Variants in GAB2 observed in about 807,000 individuals in gnomAD.
The protein encoded by GAB2 is GRB2-associated-binding protein 2.
Under a neutral mutation model 65.5 loss-of-function variants are expected in GAB2, and 26 were observed. The ratio of observed to expected loss-of-function variants is 0.40; its 90% CI spans 0.29 to 0.55. The LOEUF (loss-of-function observed/expected upper bound fraction) is 0.55, where lower values mean the gene tolerates loss of function less well. Ranked by LOEUF, GAB2 falls within the 20% of genes least tolerant of loss-of-function variation. GAB2 has a pLI of 0.53. For synonymous variants in GAB2, 321 were observed against 329.6 expected (o/e 0.97, Z 0.28); for missense variants, 884 against 875.8 (o/e 1.01, Z -0.12).
chr11:78,350,675 C>T (rs1302929571), intron 1 of GAB2, among the ~76,000 whole-genome samples: 1 of 152,010 alleles, frequency 6.6e-6, no homozygotes, highest in Non-Finnish European at 1.5e-5. Context: ...GAACTAAATG[C>T]TCTAAAACAA....
chr11:78,273,015 G>A (rs987792500), intron 2 of GAB2, among the ~76,000 whole-genome samples: 5 of 152,256 alleles, frequency 3.3e-5, no homozygotes, highest in African/African-American at 1.2e-4. Context: ...GTCAGGAATT[G>A]AGGTTTACAA....
chr11:78,240,571 A>T (rs1415488917), intron 3 of GAB2, among the ~76,000 whole-genome samples: 1 of 151,998 alleles, frequency 6.6e-6, no homozygotes, highest in Non-Finnish European at 1.5e-5. Flanking sequence ...CCCAAAACAC[A>T]GCTATACTCT....
chr11:78,246,826 AC>A (rs1485649703), intron 3 of GAB2, among the ~76,000 whole-genome samples: 1 of 152,126 alleles, frequency 6.6e-6, no homozygotes, highest in African/African-American at 2.4e-5. Context: ...TAGGAAATCA[AC>A]CTGGTTAGGC....
At chr11:78,362,456 A>G (rs1328685755) in intron 1 of GAB2, among the ~76,000 whole-genome samples, 14 of 152,170 alleles carry the variant, frequency 9.2e-5, no homozygotes. Flanking sequence ...AAATTAGAAA[A>G]AGGAAACAAA....
chr11:78,310,252 C>A (rs1591025645), intron 1 of GAB2, among the ~76,000 whole-genome samples: 1 of 151,578 alleles, frequency 6.6e-6, no homozygotes, highest in East Asian at 1.9e-4. Flanking sequence ...CCTGTAATCC[C>A]AGCACTTTGG....
In GAB2 at chr11:78,236,474, T is replaced by G. The variant is rs565526905; in HGVS notation, c.621-9423A>C. 2.0e-4 allele frequency among the ~76,000 whole-genome samples: 30 copies of G among 152,278 alleles called. No individual in the cohort carries two copies. The South Asian group carries it at 6.2e-3, about 32-fold the overall frequency. On this transcript the variant is annotated intron_variant, in intron 3 of 9. Coordinates refer to ENST00000361507, the MANE Select transcript of GAB2 (RefSeq NM_080491.3). ...ACTCTTATTTATTTTTCTTCCTCCA[T>G]GGAACTGATGAGAATCTCCAGTACA... is the stretch of plus-strand genomic sequence containing the variant.
rs1565412039 is a variant in GAB2 at position 78,217,089 on chromosome 11, C to T, written c.*2183G>A. 6.6e-6 allele frequency: 1 copy of T among 152,506 alleles called. No homozygotes were observed. The highest frequency in any genetic ancestry group is 1.5e-5 in the Non-Finnish European group (1 of 68,158). The allele number at this position is 152,506 out of a possible 1,614,324, so 9.4% of individuals were successfully genotyped here. A position where few individuals can be genotyped will look rare whatever the true frequency, so the allele number is the denominator to read the frequency against. On this transcript the variant is annotated 3_prime_UTR_variant, in exon 10 of 10. Transcript: ENST00000361507. ...CTGTAAAAATCTGACTCATCCCCTT[C>T]TAAGGCCTACCTCAGGCACTCCCTT... is the stretch of plus-strand genomic sequence containing the variant.
chr11:78,270,651 C>T (rs1392921009), intron 2 of GAB2, among the ~76,000 whole-genome samples: 10 of 152,232 alleles, frequency 6.6e-5, no homozygotes, highest in South Asian at 2.1e-4. Flanking sequence ...AATGAGACTG[C>T]GTAAGTGTTG....
chr11:78,222,516 A>G (rs1864480003), intron 6 of GAB2, among the ~76,000 whole-genome samples: 1 of 148,420 alleles, frequency 6.7e-6, no homozygotes, highest in South Asian at 2.1e-4. Context: ...AAAAGACTAT[A>G]TATAAAATAT....
At chr11:78,339,174 T>C (rs770384412) in intron 1 of GAB2, among the ~76,000 whole-genome samples, 1 of 152,094 alleles carries the variant, frequency 6.6e-6, no homozygotes, top group Non-Finnish European at 1.5e-5. Context: ...GATCTACCTG[T>C]CTCGGCCTCC....
At chr11:78,338,259 A>G (rs1250005402) in intron 1 of GAB2, among the ~76,000 whole-genome samples, 3 of 152,194 alleles carry the variant, frequency 2.0e-5, no homozygotes, top group Admixed American at 6.5e-5. Context: ...GTCTAGGCAA[A>G]CAGAATGTTT....
At chr11:78,273,962 G>A (rs1050004008) in intron 2 of GAB2, among the ~76,000 whole-genome samples, 10 of 152,010 alleles carry the variant, frequency 6.6e-5, no homozygotes, top group African/African-American at 2.2e-4. Flanking sequence ...ATGATTATGA[G>A]GCCTCCTCAG....
In GAB2 at chr11:78,217,969, G is replaced by A. The variant is rs771124435; in HGVS notation, c.*1303C>T. 49 of 152,864 alleles carry A rather than the reference G, an allele frequency of 3.2e-4. No homozygotes were observed. Among genetic ancestry groups the A allele is most frequent in the Non-Finnish European group, 6.4e-4 (44 of 68,402 alleles). The allele number at this position is 152,864 out of a possible 1,614,324, so 9.5% of individuals were successfully genotyped here. On this transcript the variant is annotated 3_prime_UTR_variant, in exon 10 of 10. Transcript: ENST00000361507. ...TGACCCACTGTCCCATCCTAGGAACGGTCCTCATGTCACACCACCATGCAC... is the reference window on the plus strand; with the variant it reads ...TGACCCACTGTCCCATCCTAGGAACAGTCCTCATGTCACACCACCATGCAC...
At chr11:78,336,544 C>G (rs886738192) in intron 1 of GAB2, among the ~76,000 whole-genome samples, 17 of 143,954 alleles carry the variant, frequency 1.2e-4, no homozygotes, top group African/African-American at 4.4e-4. Context: ...CATGAGCAAA[C>G]AAGGATAATT....
intron 3 of GAB2, among the ~76,000 whole-genome samples, chr11:78,234,719 A>G (rs969066005): frequency 1.3e-5 from 2 of 151,894 alleles, no homozygotes; most frequent in Non-Finnish European, 2.9e-5. Flanking sequence ...TCACCAATAC[A>G]ACATTATCTT....
At chr11:78,295,651 A>T (rs540782060) in intron 1 of GAB2, among the ~76,000 whole-genome samples, 2 of 152,276 alleles carry the variant, frequency 1.3e-5, no homozygotes, top group Non-Finnish European at 2.9e-5. Flanking sequence ...CAGTTCATGT[A>T]GGTGTTCTCA....
intron 4 of GAB2, among the ~76,000 whole-genome samples, chr11:78,225,673 G>A (rs910259291): frequency 2.0e-5 from 3 of 152,168 alleles, no homozygotes; most frequent in African/African-American, 7.2e-5. Context: ...ATTGAAAGAC[G>A]GCAAAGAGGT....
At chr11:78,401,069 A>G (rs1012095325) in intron 1 of GAB2, among the ~76,000 whole-genome samples, 1 of 152,018 alleles carries the variant, frequency 6.6e-6, no homozygotes, top group Non-Finnish European at 1.5e-5. Context: ...CTCTTGGGTT[A>G]GAAATATGAG....
intron 2 of GAB2, among the ~76,000 whole-genome samples, chr11:78,278,990 C>CTT (rs57052807): frequency 3.8e-4 from 57 of 151,770 alleles, no homozygotes; most frequent in African/African-American, 1.0e-3. Context: ...CCCTCTACCA[C>CTT]TTTTTTTTAC....
Sources: gnomAD v4.1 joint callset for allele counts (sites outside exome capture counted in the v4.1 genomes callset) on GRCh38, gnomAD v4.1.1 for gene constraint, MANE v1.5 for transcripts, NCBI Gene and HGNC (gene_info 2026-07-23, HGNC 2026-07-21) for gene names.